The following PDZRN4 variants were observed in gnomAD, a reference collection of about 807,000 sequenced individuals.
The protein encoded by PDZRN4 is PDZ domain containing ring finger 4, also known as PDZ domain-containing RING finger protein 4.
In PDZRN4, 70 loss-of-function variants were observed where a neutral mutation model predicts 99.0. That is an observed-to-expected ratio of 0.71 (90% confidence interval 0.58 to 0.86). The LOEUF is 0.86. PDZRN4 is among the 40% of genes least tolerant of loss of function. PDZRN4 has a pLI of 0.00. For synonymous variants in PDZRN4, 551 were observed against 501.6 expected (o/e 1.10, Z -1.32); for missense variants, 1,474 against 1,331.2 (o/e 1.11, Z -1.67).
chr12:41,358,632 A>T (rs969986963), intron 3 of PDZRN4, among the ~76,000 whole-genome samples: 1 of 152,034 alleles, frequency 6.6e-6, no homozygotes, highest in Admixed American at 6.6e-5. Context: ...AATCTGAGTG[A>T]CAAGACTGTC....
intron 3 of PDZRN4, among the ~76,000 whole-genome samples, chr12:41,365,170 G>A (rs1291147450): frequency 6.6e-6 from 1 of 151,940 alleles, no homozygotes; most frequent in African/African-American, 2.4e-5. Context: ...CAGTAAAATG[G>A]GAAATAATAA....
At position 41,188,770 on chromosome 12, in the gene PDZRN4, C is replaced by T. The variant is rs759784932; in HGVS notation, c.315C>T (p.Asp105=). 61 of 1,422,182 alleles carry T rather than the reference C, an allele frequency of 4.3e-5. No homozygotes were observed. The highest frequency in any genetic ancestry group is 1.6e-4 in the African/African-American group (11 of 67,438). The allele number at this position is 1,422,182 out of a possible 1,614,324, so 88.1% of individuals were successfully genotyped here. A position where few individuals can be genotyped will look rare whatever the true frequency, so the allele number is the denominator to read the frequency against. The change falls in exon 1 of 10, where the codon GAC becomes GAT. Residue 105 remains aspartate (D), a synonymous_variant. Coordinates refer to ENST00000402685, the MANE Select transcript of PDZRN4 (RefSeq NM_001164595.2). ...HELEAHVEHC[D]FGPARRLRSR... is the part of the protein sequence containing the mutation. Reference sequence around the variant, plus strand: ...TGGAGGCGCACGTCGAGCACTGCGACTTCGGCCCTGCCCGCCGGCTCCGCA... The same window carrying T: ...TGGAGGCGCACGTCGAGCACTGCGATTTCGGCCCTGCCCGCCGGCTCCGCA...
At chr12:41,365,886 G>A (rs906882384) in intron 3 of PDZRN4, among the ~76,000 whole-genome samples, 1 of 152,116 alleles carries the variant, frequency 6.6e-6, no homozygotes, top group Admixed American at 6.6e-5. Context: ...CAGACTGGTT[G>A]CCTGGCCTTT....
intron 3 of PDZRN4, among the ~76,000 whole-genome samples, chr12:41,311,361 A>G (rs1258781372): frequency 1.3e-5 from 2 of 152,078 alleles, no homozygotes; most frequent in Non-Finnish European, 2.9e-5. Flanking sequence ...GCAATACACA[A>G]TATAGGAGTT....
intron 3 of PDZRN4, among the ~76,000 whole-genome samples, chr12:41,379,233 C>T (rs77378729): frequency 0.18 from 25,366 of 139,852 alleles, 2,762 homozygotes; most frequent in Non-Finnish European, 0.25. Context: ...TTATTTGAGT[C>T]TTCTGTCTCT....
intron 3 of PDZRN4, among the ~76,000 whole-genome samples, chr12:41,501,453 C>A (rs572656181): frequency 5.9e-4 from 90 of 152,084 alleles, no homozygotes; most frequent in Non-Finnish European, 1.1e-3. Context: ...TGAAGAGTGG[C>A]CCAGATTTTG....
chr12:41,537,467 G>A (rs1278057467), intron 5 of PDZRN4, among the ~76,000 whole-genome samples: 1 of 152,064 alleles, frequency 6.6e-6, no homozygotes, highest in Non-Finnish European at 1.5e-5. Flanking sequence ...TGAGGAGGAA[G>A]AGGAATCCCT....
At chr12:41,451,371 G>A (rs1952772656) in intron 3 of PDZRN4, among the ~76,000 whole-genome samples, 1 of 152,154 alleles carries the variant, frequency 6.6e-6, no homozygotes, top group Admixed American at 6.5e-5. Context: ...ATTAAATAGA[G>A]TCTGTGACTG....
intron 3 of PDZRN4, among the ~76,000 whole-genome samples, chr12:41,383,285 A>T (rs1952139942): frequency 6.6e-6 from 1 of 152,232 alleles, no homozygotes; most frequent in South Asian, 2.1e-4. Flanking sequence ...TGCCAGGGAA[A>T]TGACTCCAGC....
chr12:41,352,111 G>A (rs184981072), intron 3 of PDZRN4, among the ~76,000 whole-genome samples: 81 of 152,184 alleles, frequency 5.3e-4, no homozygotes, highest in Non-Finnish European at 9.6e-4. Flanking sequence ...GGATTACACC[G>A]TGTGGTCATG....
At chr12:41,237,747 T>C (rs1386290005) in intron 3 of PDZRN4, among the ~76,000 whole-genome samples, 1 of 152,208 alleles carries the variant, frequency 6.6e-6, no homozygotes, top group East Asian at 1.9e-4. Context: ...TTGCTTGTTT[T>C]CGTCAGCTTT....
At chr12:41,253,589 C>A (rs545204961) in intron 3 of PDZRN4, among the ~76,000 whole-genome samples, 2 of 152,142 alleles carry the variant, frequency 1.3e-5, no homozygotes, top group South Asian at 4.2e-4. Context: ...GGAGGTTCCT[C>A]AAAAAACTAA....
At chr12:41,338,442 T>C (rs1951791014) in intron 3 of PDZRN4, among the ~76,000 whole-genome samples, 1 of 151,898 alleles carries the variant, frequency 6.6e-6, no homozygotes, top group Non-Finnish European at 1.5e-5. Flanking sequence ...TTGAATAGTA[T>C]TCAAAAAATA....
intron 3 of PDZRN4, among the ~76,000 whole-genome samples, chr12:41,253,647 C>T (rs1320981468): frequency 6.6e-6 from 1 of 152,078 alleles, no homozygotes; most frequent in Non-Finnish European, 1.5e-5. Context: ...GGGCATATGG[C>T]CAAAAAGATG....
At chr12:41,367,366 C>A (rs573244351) in intron 3 of PDZRN4, among the ~76,000 whole-genome samples, 1 of 151,948 alleles carries the variant, frequency 6.6e-6, no homozygotes, top group East Asian at 2.0e-4. Flanking sequence ...AAAAATTAAC[C>A]AGGCATGGTG....
chr12:41,514,667 T>C (rs1013396999), intron 5 of PDZRN4, among the ~76,000 whole-genome samples: 1 of 152,072 alleles, frequency 6.6e-6, no homozygotes, highest in Non-Finnish European at 1.5e-5. Flanking sequence ...AGGGTTCCCA[T>C]TGGTGTCTGC....
chr12:41,488,169 T>C (rs1046130075), intron 3 of PDZRN4, among the ~76,000 whole-genome samples: 1 of 152,192 alleles, frequency 6.6e-6, no homozygotes, highest in African/African-American at 2.4e-5. Flanking sequence ...CTCCTCCACA[T>C]TCCATTATCC....
At chr12:41,301,487 C>T (rs952863055) in intron 3 of PDZRN4, among the ~76,000 whole-genome samples, 1 of 151,880 alleles carries the variant, frequency 6.6e-6, no homozygotes, top group Non-Finnish European at 1.5e-5. Context: ...AAGGATAAGA[C>T]ATAAGGATAT....
chr12:41,364,756 A>G (rs1270045621), intron 3 of PDZRN4, among the ~76,000 whole-genome samples: 1 of 152,072 alleles, frequency 6.6e-6, no homozygotes, highest in African/African-American at 2.4e-5. Flanking sequence ...GCCTTTGGGA[A>G]GGGGGAATAT....
Sources: allele counts gnomAD v4.1 joint callset (sites outside exome capture counted in the v4.1 genomes callset), GRCh38; gene constraint gnomAD v4.1.1; transcripts MANE v1.5; gene names NCBI Gene and HGNC (gene_info 2026-07-23, HGNC 2026-07-21).